GTF3C1: variants seen among roughly 807,000 people sequenced by gnomAD.
GTF3C1 encodes general transcription factor 3C polypeptide 1.
Under a neutral mutation model 226.7 loss-of-function variants are expected in GTF3C1, and 57 were observed. The ratio of observed to expected loss-of-function variants is 0.25; its 90% CI spans 0.20 to 0.31. The LOEUF (loss-of-function observed/expected upper bound fraction) is 0.31. GTF3C1 is among the 10% of genes least tolerant of loss of function. GTF3C1 has a pLI of 1.00. For missense variants in GTF3C1, 2,217 were observed against 2,776.1 expected (o/e 0.80, Z 4.53); for synonymous variants, 1,090 against 1,084.8 (o/e 1.00, Z -0.09).
At chr16:27,488,865 G>T (rs1055147025) in intron 21 of GTF3C1, among the ~76,000 whole-genome samples, 178 bp downstream of exon 21, 1 of 152,170 alleles carries the variant, frequency 6.6e-6, no homozygotes, top group Non-Finnish European at 1.5e-5. Context: ...ACCTGTCCAC[G>T]TCACAGCGTA....
intron 15 of GTF3C1, 104 bp from the exon 16 acceptor site, chr16:27,495,012 A>C: frequency 9.7e-7 from 1 of 1,033,076 alleles, no homozygotes; most frequent in South Asian, 1.5e-5. Context: ...TTTACCCCTA[A>C]TTTGAGGAAA....
chr16:27,498,668 C>G lies in GTF3C1; in HGVS notation c.2127G>C (p.Gln709His). Residue 709 changes from glutamine to histidine, a missense_variant, in exon 13 of 37, where the codon CAG becomes CAC. Gln to His is a conservative substitution (Grantham distance 24). Around this residue, in one of 12 missense-constraint regions of GTF3C1, gnomAD observed 100 missense variants for 139.9 expected, o/e 0.71. Transcript: ENST00000356183. ...TTGAATTGGAGATCCGGAAGCGGAC[C>G]TGCTCGATGGCACTTCTCACTAGAG... Reference protein sequence around the residue: ...NDPLVRSAIEQVRFRISNSST... With the variant: ...NDPLVRSAIEHVRFRISNSST... 1 of 1,607,176 alleles carries G rather than the reference C, an allele frequency of 6.2e-7. No individual in the cohort carries two copies. The highest frequency in any genetic ancestry group is 8.5e-7 in the Non-Finnish European group (1 of 1,173,676).
rs1833650011 is a variant in GTF3C1, at chr16:27,507,416, G to A, written c.1243-260C>T. Among the ~76,000 whole-genome samples, 1 of 152,238 alleles carries A rather than the reference G, an allele frequency of 6.6e-6. No individual in the cohort carries two copies. Among genetic ancestry groups the A allele is most frequent in the Admixed American group, 6.5e-5 (1 of 15,286 alleles). On this transcript the variant is annotated intron_variant, in intron 8 of 36. Transcript: ENST00000356183. This position sits in a 1 kb window ranked among gnomAD's most constrained non-coding sequence, Gnocchi z 4.9. ...GCTCTATGAGGCTATGAGCTTCTCA[G>A]GGACAGGGCTCTGACTTAACCTTCC... is the stretch of plus-strand genomic sequence containing the variant.
intron 7 of GTF3C1, among the ~76,000 whole-genome samples, chr16:27,509,351 GAA>G (rs2088536947): frequency 6.6e-6 from 1 of 152,130 alleles, no homozygotes; most frequent in Non-Finnish European, 1.5e-5. Context: ...CTGGAACTAA[GAA>G]CTCCAGGAAG....
chr16:27,492,579 A>C lies in GTF3C1; in HGVS notation c.2973+38T>G, dbSNP rs773870186. On this transcript the variant is annotated intron_variant, in intron 18 of 36. Coordinates refer to ENST00000356183, the MANE Select transcript of GTF3C1 (RefSeq NM_001520.4). This position sits in a 1 kb window ranked among gnomAD's most constrained non-coding sequence, Gnocchi z 5.0. The stretch of plus-strand genomic sequence containing the variant: ...TCTGGCTGCTTGGAGACCGTTTAAC[A>C]ATCAGAATTTCCTTCGTTTGGGCTT... 6.5e-7 allele frequency: 1 copy of C among 1,546,878 alleles called. No individual in the cohort carries two copies. The highest frequency in any genetic ancestry group is 8.9e-7 in the Non-Finnish European group (1 of 1,118,812).
intron 11 of GTF3C1, among the ~76,000 whole-genome samples, chr16:27,501,931 C>T (rs953522999): frequency 1.3e-5 from 2 of 151,962 alleles, no homozygotes; most frequent in Non-Finnish European, 2.9e-5. Context: ...GGTGAAACCC[C>T]GTCTCTACTA....
At position 27,499,555 on chromosome 16, in the gene GTF3C1, CAG is replaced by C. The variant is rs569257844; in HGVS notation, c.2062-824_2062-823del. Among the ~76,000 whole-genome samples the C allele has an allele frequency of 1.4e-4, 22 of 152,320 alleles. No individual in the cohort carries two copies. In the East Asian group the frequency reaches 3.3e-3, roughly 23 times the overall value. On this transcript the variant is annotated intron_variant, in intron 12 of 36. Coordinates refer to ENST00000356183, the MANE Select transcript of GTF3C1 (RefSeq NM_001520.4). ...ACATGGGCTCAGAAAGATCTGGAAA[CAG>C]GGGGCAGGAAGCAACGCCTAGACAA...
intron 29 of GTF3C1, among the ~76,000 whole-genome samples, chr16:27,472,941 G>A (rs1235298969): frequency 2.6e-5 from 4 of 151,952 alleles, no homozygotes; most frequent in African/African-American, 9.7e-5. Context: ...TTTTGAGCCA[G>A]GGTCTCACTC....
chr16:27,467,485 T>C (rs1386305726), intron 32 of GTF3C1, among the ~76,000 whole-genome samples: 2 of 152,232 alleles, frequency 1.3e-5, no homozygotes, highest in African/African-American at 4.8e-5. Flanking sequence ...TTCAAGGAGA[T>C]GAATGTTGTT....
Position 27,541,032 on chromosome 16 carries a change from G to A in GTF3C1, c.432-2676C>T, listed in dbSNP as rs530793150. On this transcript the variant is annotated intron_variant, in intron 2 of 36. Transcript: ENST00000356183. ...ATTTTTGTACTTTTAGTAGAGATGGGGTTTTGCCATCTTGGCCAGGCTGGT... is the reference window on the plus strand; with the variant it reads ...ATTTTTGTACTTTTAGTAGAGATGGAGTTTTGCCATCTTGGCCAGGCTGGT... Among the ~76,000 whole-genome samples, 3 of 152,198 alleles carry A rather than the reference G, an allele frequency of 2.0e-5. No individual in the cohort carries two copies. In the East Asian group the frequency reaches 5.8e-4, roughly 29 times the overall value.
rs147018543 is a variant in GTF3C1 at position 27,517,561 on chromosome 16, C to T, written c.974-5660G>A. Among the ~76,000 whole-genome samples, 40 of 152,338 alleles carry T rather than the reference C, an allele frequency of 2.6e-4. 1 individual carries two copies. Among genetic ancestry groups the T allele is most frequent in the African/African-American group, 8.9e-4 (37 of 41,586 alleles). On this transcript the variant is annotated intron_variant, in intron 6 of 36. Transcript: ENST00000356183. ...GTGAGATACAACCAGCACCCGCTCA[C>T]AGGCACGAGGAGTTTCAGGCATTTT...
chr16:27,467,763 G>A (rs1474670571), intron 32 of GTF3C1, among the ~76,000 whole-genome samples: 3 of 152,064 alleles, frequency 2.0e-5, no homozygotes, highest in African/African-American at 4.8e-5. Context: ...CCAGCTACTC[G>A]GGAGGCTGAG....
intron 2 of GTF3C1, among the ~76,000 whole-genome samples, chr16:27,544,216 C>A (rs2089131409): frequency 6.6e-6 from 1 of 151,762 alleles, no homozygotes; most frequent in South Asian, 2.1e-4. Flanking sequence ...TGGCAAGACC[C>A]CACCTCTACA....
intron 5 of GTF3C1, among the ~76,000 whole-genome samples, chr16:27,528,933 A>G (rs1426436484): frequency 1.3e-5 from 2 of 152,224 alleles, no homozygotes; most frequent in African/African-American, 4.8e-5. Context: ...AGAGGGGGAA[A>G]GAGATTCGCT....
At chr16:27,472,079 T>C (rs2087881265) in intron 29 of GTF3C1, among the ~76,000 whole-genome samples, 159 bp from the exon 30 acceptor site, 1 of 151,876 alleles carries the variant, frequency 6.6e-6, no homozygotes, top group South Asian at 2.1e-4. Flanking sequence ...AGTGTGTGTG[T>C]GAGTGTGTGT....
chr16:27,537,310 AGTTTC>A (rs1210871783), intron 4 of GTF3C1, among the ~76,000 whole-genome samples: 3 of 152,188 alleles, frequency 2.0e-5, no homozygotes, highest in Non-Finnish European at 2.9e-5. Context: ...TTTTCTGTAT[AGTTTC>A]CTAGTTTTCT....
At chr16:27,516,980 G>C (rs1408934176) in intron 6 of GTF3C1, among the ~76,000 whole-genome samples, 3 of 152,118 alleles carry the variant, frequency 2.0e-5, no homozygotes, top group Non-Finnish European at 2.9e-5. Context: ...AGGCAGCCCA[G>C]CACTGTGGTA....
chr16:27,496,158 C>T (rs181486855), intron 14 of GTF3C1, among the ~76,000 whole-genome samples: 96 of 152,112 alleles, frequency 6.3e-4, no homozygotes, highest in African/African-American at 2.2e-3. Context: ...GATGTGCCTG[C>T]CCCCCTTCAC....
chr16:27,497,540 G>T, intron 14 of GTF3C1, 97 bp downstream of exon 14: 2 of 940,896 alleles, frequency 2.1e-6, no homozygotes, highest in Non-Finnish European at 3.3e-6. Flanking sequence ...TCTGACTGCG[G>T]CTCGGAGCTC....
Sources: gnomAD v4.1 joint callset for allele counts (sites outside exome capture counted in the v4.1 genomes callset) on GRCh38, gnomAD v4.1.1 for gene constraint, gnomAD v4.1.1 regional missense constraint, Gnocchi (gnomAD v3.1) non-coding constraint, MANE v1.5 for transcripts, NCBI Gene and HGNC (gene_info 2026-07-23, HGNC 2026-07-21) for gene names.